RAB11FIP4: variants seen among roughly 807,000 people sequenced by gnomAD.
RAB11FIP4 encodes rab11 family-interacting protein 4.
Under a neutral mutation model 74.3 loss-of-function variants are expected in RAB11FIP4, and 23 were observed. The observed-to-expected ratio is 0.31, with a 90% CI of 0.22 to 0.44. The LOEUF is 0.44. RAB11FIP4 is among the 20% of genes least tolerant of loss of function. The probability of loss-of-function intolerance (pLI) is 1.00; values close to 1 mark genes in which losing one functional copy is unlikely to be tolerated. For missense variants in RAB11FIP4, 630 were observed against 863.9 expected (o/e 0.73, Z 3.39); for synonymous variants, 360 against 359.9 (o/e 1.00, Z 0.00).
chr17:31,522,419 C>T, intron 7 of RAB11FIP4, 24 bp downstream of exon 7: 1 of 1,611,316 alleles, frequency 6.2e-7, no homozygotes. Flanking sequence ...CGAGGGAGGG[C>T]AAATTGAGTG....
chr17:31,443,675 C>T lies in RAB11FIP4; in HGVS notation c.336+9553C>T, dbSNP rs148474543. On this transcript the variant is annotated intron_variant, in intron 3 of 14. Transcript: ENST00000621161. The stretch of plus-strand genomic sequence containing the variant: ...CTGGAATCCCAGCACTTTGAGAGGC[C>T]GAGGTGGGCAGATCACTTGAGGCCA... Among the ~76,000 whole-genome samples, 19 of 152,138 alleles carry T rather than the reference C, an allele frequency of 1.2e-4. No homozygotes were observed. In the East Asian group the frequency reaches 3.1e-3, roughly 25 times the overall value.
At chr17:31,461,788 A>T (rs980254644) in intron 3 of RAB11FIP4, among the ~76,000 whole-genome samples, 3 of 151,158 alleles carry the variant, frequency 2.0e-5, no homozygotes, top group African/African-American at 7.3e-5. Context: ...CACGATCTCG[A>T]CTCACTAGAG....
intron 3 of RAB11FIP4, among the ~76,000 whole-genome samples, chr17:31,490,088 G>A (rs1303685634): frequency 6.6e-6 from 1 of 152,092 alleles, no homozygotes; most frequent in African/African-American, 2.4e-5. Context: ...CCTCCTTTGG[G>A]GTTCCAGGGG....
At chr17:31,507,782 C>G (rs2072379771) in intron 3 of RAB11FIP4, among the ~76,000 whole-genome samples, 1 of 152,178 alleles carries the variant, frequency 6.6e-6, no homozygotes, top group Non-Finnish European at 1.5e-5. Context: ...CATGCACTGC[C>G]ATGCCTGGCT....
chr17:31,528,050 G>A (rs1249332489), intron 11 of RAB11FIP4, 127 bp downstream of exon 11: 1 of 710,664 alleles, frequency 1.4e-6, no homozygotes, highest in Admixed American at 3.1e-5. Context: ...AACAACTTGT[G>A]TTTCTGTATT....
intron 1 of RAB11FIP4, among the ~76,000 whole-genome samples, chr17:31,403,994 T>C (rs1446297513): frequency 6.6e-6 from 1 of 152,212 alleles, no homozygotes; most frequent in East Asian, 1.9e-4. Context: ...ATCCCAGCAC[T>C]GGGCAGGGAG....
intron 1 of RAB11FIP4, among the ~76,000 whole-genome samples, chr17:31,407,893 A>G (rs78285672): frequency 0.019 from 2,833 of 152,272 alleles, 113 homozygotes; most frequent in African/African-American, 0.064. Context: ...GGTTTACATA[A>G]TAGTTTTAGC....
chr17:31,478,838 G>A (rs1161212608), intron 3 of RAB11FIP4, among the ~76,000 whole-genome samples: 24 of 152,234 alleles, frequency 1.6e-4, no homozygotes, highest in Admixed American at 1.6e-3. Flanking sequence ...GGCTGCCACT[G>A]ACTGAGACAC....
chr17:31,528,381 C>A (rs1053509747), intron 11 of RAB11FIP4, 25 bp from the exon 12 acceptor site: 21 of 1,607,620 alleles, frequency 1.3e-5, no homozygotes, highest in Admixed American at 1.0e-4. Context: ...AACTCTCCTC[C>A]CCTGATCGGG....
At chr17:31,431,545 G>C (rs2071309449) in intron 1 of RAB11FIP4, 1 of 419,862 alleles carries the variant, frequency 2.4e-6, no homozygotes. Context: ...GTCCCTGGGG[G>C]AAGGAGGCTC....
At chr17:31,463,831 T>TTTTTTTTTTA in intron 3 of RAB11FIP4, among the ~76,000 whole-genome samples, 1 of 129,598 alleles carries the variant, frequency 7.7e-6, no homozygotes, top group South Asian at 2.5e-4. Context: ...TTTTTTTTTT[T>TTTTTTTTTTA]GAGACAGAGT....
At chr17:31,518,016 A>G (rs1022794465) in intron 4 of RAB11FIP4, 139 bp downstream of exon 4, 64 of 672,454 alleles carry the variant, frequency 9.5e-5, no homozygotes, top group Admixed American at 2.4e-4. Context: ...TATTCTGAAT[A>G]GCACAAGATT....
At chr17:31,486,160 G>C (rs1033863635) in intron 3 of RAB11FIP4, among the ~76,000 whole-genome samples, 8 of 151,486 alleles carry the variant, frequency 5.3e-5, no homozygotes, top group Admixed American at 4.6e-4. Context: ...CTTGAACCCA[G>C]GAGGCGGAGG....
At chr17:31,410,608 C>T (rs1003070557) in intron 1 of RAB11FIP4, among the ~76,000 whole-genome samples, 3 of 151,874 alleles carry the variant, frequency 2.0e-5, no homozygotes, top group Admixed American at 1.3e-4. Flanking sequence ...CAGCACTGCA[C>T]CGAGGGGGCT....
At chr17:31,458,617 G>C (rs2071603415) in intron 3 of RAB11FIP4, among the ~76,000 whole-genome samples, 2 of 152,338 alleles carry the variant, frequency 1.3e-5, no homozygotes, top group African/African-American at 4.8e-5. Context: ...AAGGAAAGAT[G>C]TACCAGCTTC....
chr17:31,516,268 G>A (rs888074702), intron 3 of RAB11FIP4, among the ~76,000 whole-genome samples: 1 of 150,786 alleles, frequency 6.6e-6, no homozygotes, highest in Non-Finnish European at 1.5e-5. Context: ...ACTAGATCAG[G>A]GTTGTTGGTC....
chr17:31,396,328 T>C (rs734403), intron 1 of RAB11FIP4, among the ~76,000 whole-genome samples: 71,051 of 151,996 alleles, frequency 0.47, 19,352 homozygotes, highest in Non-Finnish European at 0.61. Flanking sequence ...TGGCTCAACA[T>C]CCTGACCCTG....
rs1017947882 is a variant in RAB11FIP4, at chr17:31,531,720, G to A, written c.1902G>A (p.Glu634=). ...AILDHNPSIL[E]IKH ...TGGACCACAATCCCTCCATCCTCGA[G>A]ATCAAACACTAAGGCACGGGGCTGG... Residue 634 remains glutamate (E), a synonymous_variant, in exon 15 of 15, where the codon GAG becomes GAA. Transcript: ENST00000621161. The A allele has an allele frequency of 2.5e-6, 4 of 1,611,610 alleles. No individual in the cohort carries two copies. Among genetic ancestry groups the A allele is most frequent in the Non-Finnish European group, 3.4e-6 (4 of 1,177,688 alleles).
intron 3 of RAB11FIP4, among the ~76,000 whole-genome samples, chr17:31,483,192 CAAAAAAAAAAAAAA>C (rs56720417): frequency 5.1e-5 from 3 of 58,556 alleles, no homozygotes; most frequent in South Asian, 7.6e-4. Flanking sequence ...GACTGCATCT[CAAAAAAAAAAAAAA>C]AAAAAAAAAA....
Sources: gnomAD v4.1 joint callset for allele counts (sites outside exome capture counted in the v4.1 genomes callset) on GRCh38, gnomAD v4.1.1 for gene constraint, MANE v1.5 for transcripts, NCBI Gene and HGNC (gene_info 2026-07-23, HGNC 2026-07-21) for gene names.